XNDC1N: variants seen among roughly 807,000 people sequenced by gnomAD.
The protein encoded by XNDC1N is XRCC1 N-terminal domain containing 1, N-terminal like, also known as protein XNDC1N.
the XNDC1N span, among the ~76,000 whole-genome samples, chr11:71,911,309 C>G: frequency 6.6e-6 from 1 of 152,244 alleles, no homozygotes; most frequent in Admixed American, 6.5e-5. Flanking sequence ...AAGTTTGTAA[C>G]AGCCTACACC....
the XNDC1N span, among the ~76,000 whole-genome samples, chr11:71,896,012 T>A: frequency 6.6e-6 from 1 of 152,154 alleles, no homozygotes; most frequent in Admixed American, 6.5e-5. Flanking sequence ...GTGTGGTGGC[T>A]CAGGCCTGTA....
At chr11:71,885,169 A>T in the XNDC1N span, among the ~76,000 whole-genome samples, 1 of 150,938 alleles carries the variant, frequency 6.6e-6, no homozygotes, top group Admixed American at 6.6e-5. Context: ...CCTGAATATT[A>T]AGAACAGTAT....
At chr11:71,920,181 A>C in the XNDC1N span, among the ~76,000 whole-genome samples, 1 of 149,248 alleles carries the variant, frequency 6.7e-6, no homozygotes, top group South Asian at 2.1e-4. Context: ...GATGGTCTGG[A>C]TCTCCTGACC....
the XNDC1N span, among the ~76,000 whole-genome samples, chr11:71,895,968 T>G: frequency 6.6e-6 from 1 of 152,090 alleles, no homozygotes; most frequent in Non-Finnish European, 1.5e-5. Context: ...TGTCCTCACT[T>G]CTATGTAGGA....
the XNDC1N span, chr11:71,903,639 G>GTT: frequency 4.8e-6 from 2 of 417,214 alleles, no homozygotes; most frequent in South Asian, 2.6e-5. Flanking sequence ...TGTTGTCCTT[G>GTT]TTTTTTTTTT....
the XNDC1N span, among the ~76,000 whole-genome samples, chr11:71,902,108 A>G: frequency 2.0e-5 from 3 of 152,126 alleles, no homozygotes; most frequent in Non-Finnish European, 4.4e-5. Flanking sequence ...GCAAACGTCA[A>G]ATATATGTTA....
the XNDC1N span, among the ~76,000 whole-genome samples, chr11:71,886,062 C>A: frequency 6.6e-6 from 1 of 152,122 alleles, no homozygotes. Flanking sequence ...CGTTTACGAC[C>A]CAAAAGGGGA....
At chr11:71,905,419 C>A in the XNDC1N span, among the ~76,000 whole-genome samples, 3 of 142,088 alleles carry the variant, frequency 2.1e-5, no homozygotes, top group African/African-American at 5.1e-5. Context: ...AAAAGTAACA[C>A]CCCCCCTAGA....
At chr11:71,869,371 G>T in the XNDC1N span, among the ~76,000 whole-genome samples, 1 of 152,134 alleles carries the variant, frequency 6.6e-6, no homozygotes, top group African/African-American at 2.4e-5. Flanking sequence ...TCCCTACAAA[G>T]GACATGGAAT....
the XNDC1N span, among the ~76,000 whole-genome samples, chr11:71,881,985 A>G: frequency 6.6e-6 from 1 of 152,106 alleles, no homozygotes; most frequent in African/African-American, 2.4e-5. Flanking sequence ...AATAAACAAA[A>G]TCTACATATC....
the XNDC1N span, among the ~76,000 whole-genome samples, chr11:71,880,586 G>C: frequency 6.6e-6 from 1 of 151,582 alleles, no homozygotes; most frequent in Admixed American, 6.6e-5. Flanking sequence ...TGTTTTTCTT[G>C]TTCCTTGAGG....
At chr11:71,916,392 C>G in the XNDC1N span, 41 of 612,084 alleles carry the variant, frequency 6.7e-5, 1 homozygote, top group South Asian at 8.0e-4. Flanking sequence ...CAGTAAATGT[C>G]CCCTTAGGCT....
At chr11:71,913,601 G>A in the XNDC1N span, among the ~76,000 whole-genome samples, 1 of 150,710 alleles carries the variant, frequency 6.6e-6, no homozygotes, top group African/African-American at 2.5e-5. Flanking sequence ...AGAGGTTGTG[G>A]TCAGCCAAGA....
chr11:71,913,624 A>C, the XNDC1N span, among the ~76,000 whole-genome samples: 2 of 147,076 alleles, frequency 1.4e-5, no homozygotes, highest in Non-Finnish European at 1.5e-5. Context: ...GTGCCACTGC[A>C]CTCCAGCCTG....
chr11:71,905,551 A>T, the XNDC1N span, among the ~76,000 whole-genome samples: 2 of 152,038 alleles, frequency 1.3e-5, no homozygotes, highest in Non-Finnish European at 2.9e-5. Flanking sequence ...ACATCTTTCT[A>T]GGAGATTACG....
the XNDC1N span, among the ~76,000 whole-genome samples, chr11:71,896,846 G>A: frequency 6.6e-6 from 1 of 152,366 alleles, no homozygotes; most frequent in African/African-American, 2.4e-5. Flanking sequence ...TTACAGGCGT[G>A]AGCGACTGCG....
the XNDC1N span, among the ~76,000 whole-genome samples, chr11:71,914,691 A>G: frequency 2.3e-5 from 3 of 128,670 alleles, no homozygotes; most frequent in South Asian, 2.4e-4. Context: ...TTGTCTCGGG[A>G]AAAAAAAAAA....
the XNDC1N span, among the ~76,000 whole-genome samples, chr11:71,870,978 G>A: frequency 2.8e-4 from 42 of 150,754 alleles, no homozygotes; most frequent in Middle Eastern, 3.2e-3. Context: ...ATAAGTTTCT[G>A]AACAAAAATA....
the XNDC1N span, chr11:71,903,251 C>T: frequency 8.3e-6 from 9 of 1,083,546 alleles, no homozygotes; most frequent in Non-Finnish European, 1.1e-5. Flanking sequence ...CTCAGAGGAT[C>T]CAGAACTGCA....
Sources: allele counts gnomAD v4.1 joint callset (sites outside exome capture counted in the v4.1 genomes callset), GRCh38; gene constraint gnomAD v4.1.1; transcripts MANE v1.5; gene names NCBI Gene and HGNC (gene_info 2026-07-23, HGNC 2026-07-21).